Variants in GALNTL6 observed in about 807,000 individuals in gnomAD.
The protein encoded by GALNTL6 is polypeptide N-acetylgalactosaminyltransferase-like 6.
A neutral mutation model predicts 73.7 loss-of-function variants in GALNTL6; 46 were observed. The ratio of observed to expected loss-of-function variants is 0.62; its 90% CI spans 0.49 to 0.80. The LOEUF (loss-of-function observed/expected upper bound fraction) is 0.80. GALNTL6 is among the 30% of genes least tolerant of loss of function. GALNTL6 has a pLI of 0.00. For synonymous variants in GALNTL6, 259 were observed against 263.7 expected (o/e 0.98, Z 0.17); for missense variants, 604 against 755.0 (o/e 0.80, Z 2.34).
chr4:172,229,787 A>G, intron 3 of GALNTL6, 23 bp downstream of exon 3: 1 of 1,426,902 alleles, frequency 7.0e-7, no homozygotes, highest in Non-Finnish European at 9.9e-7. Context: ...GTGTACGCCA[A>G]AGTGCTATTT....
chr4:172,150,761 T>C (rs1179510013), intron 2 of GALNTL6, among the ~76,000 whole-genome samples: 4 of 152,024 alleles, frequency 2.6e-5, no homozygotes, highest in Admixed American at 6.6e-5. Flanking sequence ...AAAAGATACA[T>C]TGTAAAGGGA....
intron 2 of GALNTL6, among the ~76,000 whole-genome samples, chr4:172,002,617 A>G (rs6842396): frequency 0.03 from 4,500 of 152,222 alleles, 241 homozygotes; most frequent in African/African-American, 0.1. Flanking sequence ...GTCTTAGAAT[A>G]TTAGTCAAAA....
At chr4:173,024,427 A>C (rs1468766762) in intron 12 of GALNTL6, among the ~76,000 whole-genome samples, 1 of 152,264 alleles carries the variant, frequency 6.6e-6, no homozygotes, top group African/African-American at 2.4e-5. Flanking sequence ...ACTCAGGCCT[A>C]TTCAGACACA....
At chr4:172,479,867 C>T (rs1314921746) in intron 5 of GALNTL6, among the ~76,000 whole-genome samples, 1 of 152,190 alleles carries the variant, frequency 6.6e-6, no homozygotes, top group Non-Finnish European at 1.5e-5. Context: ...CTATCAAGCT[C>T]CATAGAGTTT....
At chr4:172,325,602 AAT>A (rs1200842377) in intron 4 of GALNTL6, among the ~76,000 whole-genome samples, 2 of 151,942 alleles carry the variant, frequency 1.3e-5, no homozygotes, top group African/African-American at 2.4e-5. Context: ...AATGTACCTA[AAT>A]ATATGAGACA....
chr4:173,040,134 G>A lies in GALNTL6; in HGVS notation c.*34G>A, dbSNP rs779546085. 14 of 1,513,718 alleles carry A rather than the reference G, an allele frequency of 9.2e-6. No individual in the cohort carries two copies. Among genetic ancestry groups the A allele is most frequent in the Non-Finnish European group, 1.1e-5 (12 of 1,108,124 alleles). The allele number at this position is 1,513,718 out of a possible 1,614,324, so 93.8% of individuals were successfully genotyped here. A position where few individuals can be genotyped will look rare whatever the true frequency, so the allele number is the denominator to read the frequency against. ...AAGGAAGAAAGAGTGATTACCTACA[G>A]GTTATAAATTAAATTTTAGCCAGCA... On this transcript the variant is annotated 3_prime_UTR_variant, in exon 13 of 13. Coordinates refer to ENST00000506823, the MANE Select transcript of GALNTL6 (RefSeq NM_001034845.3).
chr4:171,940,718 G>A (rs917996704), intron 2 of GALNTL6, among the ~76,000 whole-genome samples: 6 of 151,722 alleles, frequency 4.0e-5, no homozygotes, highest in Non-Finnish European at 8.8e-5. Flanking sequence ...AAGCTACTTG[G>A]GAGGCAGGAG....
intron 2 of GALNTL6, among the ~76,000 whole-genome samples, chr4:171,956,000 G>A (rs1399877599): frequency 8.8e-6 from 1 of 114,122 alleles, no homozygotes; most frequent in Non-Finnish European, 1.8e-5. Context: ...TTACTAATTT[G>A]TGTGTGTGTG....
At chr4:172,555,264 G>A (rs183935390) in intron 5 of GALNTL6, among the ~76,000 whole-genome samples, 30 of 152,198 alleles carry the variant, frequency 2.0e-4, no homozygotes, top group Admixed American at 1.7e-3. Context: ...TCTACCTGTA[G>A]AAGTATAAGA....
intron 5 of GALNTL6, among the ~76,000 whole-genome samples, chr4:172,630,553 C>T (rs965231759): frequency 6.6e-6 from 1 of 151,904 alleles, no homozygotes; most frequent in African/African-American, 2.4e-5. Flanking sequence ...TATCTCTGAG[C>T]CTGTGAAATA....
At chr4:172,125,094 T>C (rs939525202) in intron 2 of GALNTL6, among the ~76,000 whole-genome samples, 8 of 152,094 alleles carry the variant, frequency 5.3e-5, no homozygotes, top group African/African-American at 1.9e-4. Context: ...AGCAAAAAGA[T>C]GTACCTTCTC....
intron 2 of GALNTL6, among the ~76,000 whole-genome samples, chr4:172,063,593 AGAC>A (rs1317995063): frequency 2.0e-5 from 3 of 152,122 alleles, no homozygotes; most frequent in Non-Finnish European, 4.4e-5. Flanking sequence ...TTTTTATTAA[AGAC>A]AATTGTTTAT....
intron 2 of GALNTL6, among the ~76,000 whole-genome samples, chr4:172,083,845 C>G (rs1028591843): frequency 6.6e-6 from 1 of 152,094 alleles, no homozygotes. Flanking sequence ...ATGACCATAA[C>G]AATGCCTCAT....
chr4:172,990,398 A>G (rs1253560445), intron 10 of GALNTL6, among the ~76,000 whole-genome samples: 2 of 152,214 alleles, frequency 1.3e-5, no homozygotes, highest in Non-Finnish European at 2.9e-5. Flanking sequence ...AAAGTTTTCT[A>G]TACTCTGAAA....
intron 10 of GALNTL6, among the ~76,000 whole-genome samples, chr4:172,991,544 G>C (rs1751545877): frequency 6.6e-6 from 1 of 151,672 alleles, no homozygotes; most frequent in Admixed American, 6.6e-5. Context: ...AGACTACAGG[G>C]GCATGCCACC....
intron 5 of GALNTL6, among the ~76,000 whole-genome samples, chr4:172,725,460 A>T (rs1443741066): frequency 1.3e-5 from 2 of 152,310 alleles, no homozygotes; most frequent in African/African-American, 4.8e-5. Context: ...TCAAATAAGG[A>T]TCTTCTTCTC....
intron 2 of GALNTL6, among the ~76,000 whole-genome samples, chr4:172,030,598 TA>T (rs1741736357): frequency 1.3e-5 from 2 of 151,814 alleles, no homozygotes; most frequent in Admixed American, 6.6e-5. Flanking sequence ...TAATCCCAGC[TA>T]CTCAGGAGGC....
intron 5 of GALNTL6, among the ~76,000 whole-genome samples, chr4:172,450,595 G>T (rs1416400618): frequency 6.6e-6 from 1 of 152,200 alleles, no homozygotes; most frequent in African/African-American, 2.4e-5. Flanking sequence ...ATGGCTTTCA[G>T]TTGTAATCAG....
intron 2 of GALNTL6, among the ~76,000 whole-genome samples, chr4:172,041,632 A>G (rs1360000459): frequency 2.0e-5 from 3 of 152,250 alleles, no homozygotes; most frequent in Non-Finnish European, 2.9e-5. Flanking sequence ...AATTGCCTAC[A>G]TTAGAACTAT....
Sources: gnomAD v4.1 joint callset for allele counts (sites outside exome capture counted in the v4.1 genomes callset) on GRCh38, gnomAD v4.1.1 for gene constraint, MANE v1.5 for transcripts, NCBI Gene and HGNC (gene_info 2026-07-23, HGNC 2026-07-21) for gene names.